Variants in CSMD1 observed in about 807,000 individuals in gnomAD.
CSMD1 encodes the protein CUB and Sushi multiple domains 1.
In CSMD1, 213 loss-of-function variants were observed where a neutral mutation model predicts 417.5. The ratio of observed to expected loss-of-function variants is 0.51; its 90% confidence interval spans 0.46 to 0.57. CSMD1 has a LOEUF of 0.57. CSMD1 is among the 20% of genes least tolerant of loss of function. The pLI is 0.00. For missense variants in CSMD1, 6,923 were observed against 4,529.7 expected (o/e 1.53, Z -15.17); for synonymous variants, 2,862 against 1,736.8 (o/e 1.65, Z -16.11).
intron 2 of CSMD1, among the ~76,000 whole-genome samples, chr8:4,469,744 G>A (rs1154074): frequency 7.9e-5 from 12 of 152,088 alleles, no homozygotes; most frequent in East Asian, 3.9e-4. Context: ...TGCACAGGAG[G>A]CAATGGAAGG....
At chr8:3,995,195 C>A (rs1048079132) in intron 5 of CSMD1, among the ~76,000 whole-genome samples, 1 of 152,096 alleles carries the variant, frequency 6.6e-6, no homozygotes, top group Non-Finnish European at 1.5e-5. Context: ...TCAAATTATT[C>A]TGTTTTATGT....
chr8:4,722,292 G>A (rs1055246954), intron 1 of CSMD1, among the ~76,000 whole-genome samples: 1 of 151,868 alleles, frequency 6.6e-6, no homozygotes, highest in African/African-American at 2.4e-5. Flanking sequence ...CAGACTGCAA[G>A]AAAGAGAAAA....
intron 8 of CSMD1, among the ~76,000 whole-genome samples, chr8:3,615,427 G>A (rs758538346): frequency 6.6e-6 from 1 of 152,076 alleles, no homozygotes; most frequent in Admixed American, 6.6e-5. Flanking sequence ...ACTTCAATAA[G>A]AAATTTCATC....
chr8:4,893,188 T>C (rs1041165562), intron 1 of CSMD1, among the ~76,000 whole-genome samples: 1 of 152,180 alleles, frequency 6.6e-6, no homozygotes, highest in East Asian at 1.9e-4. Context: ...TCATCAGCTT[T>C]ATTAACTCAC....
intron 5 of CSMD1, among the ~76,000 whole-genome samples, chr8:3,934,129 T>C (rs1458784131): frequency 6.6e-6 from 1 of 152,086 alleles, no homozygotes; most frequent in Non-Finnish European, 1.5e-5. Context: ...GATTACCCAC[T>C]TCACAAAAAA....
At chr8:4,559,637 A>T (rs986010979) in intron 2 of CSMD1, among the ~76,000 whole-genome samples, 1 of 152,242 alleles carries the variant, frequency 6.6e-6, no homozygotes, top group Non-Finnish European at 1.5e-5. Flanking sequence ...AGCATATAAT[A>T]AAATTATTAA....
At chr8:4,666,801 T>C (rs918186564) in intron 1 of CSMD1, among the ~76,000 whole-genome samples, 6 of 152,222 alleles carry the variant, frequency 3.9e-5, no homozygotes, top group African/African-American at 9.6e-5. Context: ...CTGTAGTCTA[T>C]CTTTTCATTT....
At chr8:2,997,311 A>T (rs981231536) in intron 54 of CSMD1, among the ~76,000 whole-genome samples, 1 of 152,194 alleles carries the variant, frequency 6.6e-6, no homozygotes, top group African/African-American at 2.4e-5. Context: ...TTTTTAAATG[A>T]CTTGGGTTCC....
chr8:4,734,666 T>C (rs534826779), intron 1 of CSMD1, among the ~76,000 whole-genome samples: 7 of 152,350 alleles, frequency 4.6e-5, no homozygotes, highest in Non-Finnish European at 8.8e-5. Flanking sequence ...CAATGATTCT[T>C]AGCTCTTACC....
intron 26 of CSMD1, among the ~76,000 whole-genome samples, chr8:3,230,902 G>T (rs1681845619): frequency 6.6e-6 from 1 of 152,148 alleles, no homozygotes; most frequent in South Asian, 2.1e-4. Context: ...CAAATCTGCT[G>T]AGTAGAGGCC....
intron 3 of CSMD1, among the ~76,000 whole-genome samples, chr8:4,065,603 A>G (rs1799203809): frequency 6.6e-6 from 1 of 152,130 alleles, no homozygotes; most frequent in Admixed American, 6.6e-5. Flanking sequence ...AATGCTATGT[A>G]AAGGAGACTC....
At chr8:2,998,343 T>A (rs925500381) in intron 53 of CSMD1, among the ~76,000 whole-genome samples, 159 bp from the exon 54 acceptor site, 6 of 152,220 alleles carry the variant, frequency 3.9e-5, no homozygotes, top group African/African-American at 1.4e-4. Context: ...CAGAAGGGAA[T>A]ATTGGGAGCT....
At chr8:4,054,991 G>C (rs574577293) in intron 3 of CSMD1, among the ~76,000 whole-genome samples, 8 of 152,230 alleles carry the variant, frequency 5.3e-5, no homozygotes, top group Non-Finnish European at 1.0e-4. Context: ...AGCATACAAA[G>C]AATGTCATAT....
chr8:4,125,781 C>A (rs1307068838), intron 3 of CSMD1, among the ~76,000 whole-genome samples: 1 of 152,044 alleles, frequency 6.6e-6, no homozygotes, highest in African/African-American at 2.4e-5. Context: ...CTGATAGAGC[C>A]CTTATCAATT....
At chr8:4,483,710 A>G (rs185038657) in intron 2 of CSMD1, among the ~76,000 whole-genome samples, 79 of 152,324 alleles carry the variant, frequency 5.2e-4, no homozygotes, top group African/African-American at 1.9e-3. Context: ...TGTCATGAAG[A>G]AAAAGAAAGG....
chr8:3,925,039 G>C (rs1297572056), intron 5 of CSMD1, among the ~76,000 whole-genome samples: 1 of 152,160 alleles, frequency 6.6e-6, no homozygotes, highest in African/African-American at 2.4e-5. Context: ...CCTGCCTAGA[G>C]ATACTGTGGG....
intron 5 of CSMD1, among the ~76,000 whole-genome samples, chr8:3,892,782 T>A (rs148320450): frequency 6.8e-5 from 10 of 148,004 alleles, no homozygotes; most frequent in African/African-American, 2.3e-4. Context: ...CGTAGGACAA[T>A]TTGGACAGTC....
At chr8:3,828,742 C>A (rs141293109) in intron 5 of CSMD1, among the ~76,000 whole-genome samples, 2 of 152,132 alleles carry the variant, frequency 1.3e-5, no homozygotes, top group South Asian at 2.1e-4. Flanking sequence ...ACCAGAGAGA[C>A]CTTACTAAAC....
At chr8:3,743,672 C>T (rs889781200) in intron 6 of CSMD1, among the ~76,000 whole-genome samples, 4 of 152,146 alleles carry the variant, frequency 2.6e-5, no homozygotes, top group African/African-American at 9.7e-5. Flanking sequence ...ATGAAAAGCT[C>T]CACACTTCTC....
Sources: gnomAD v4.1 joint callset for allele counts (sites outside exome capture counted in the v4.1 genomes callset) on GRCh38, gnomAD v4.1.1 for gene constraint, MANE v1.5 for transcripts, NCBI Gene and HGNC (gene_info 2026-07-23, HGNC 2026-07-21) for gene names.